LMOD3: variants seen among roughly 807,000 people sequenced by gnomAD.
LMOD3 encodes the protein leiomodin 3, also known as leiomodin-3.
LMOD3 carries 31 observed loss-of-function variants against 41.8 expected under a neutral mutation model. The observed-to-expected ratio is 0.74, with a 90% CI of 0.56 to 1.00. LMOD3 has a LOEUF of 1.00. Ranked by LOEUF, LMOD3 falls within the 50% of genes least tolerant of loss-of-function variation. LMOD3 has a pLI of 0.00. For synonymous variants in LMOD3, 292 were observed against 241.9 expected (o/e 1.21, Z -1.92); for missense variants, 755 against 679.5 (o/e 1.11, Z -1.23).
rs747620098 is a variant in LMOD3, at chr3:69,122,115, G to C, written c.272C>G (p.Pro91Arg). ...TACCTCGGATTTCACAAAGGTGACAGGAACTCGTTCCTCTTCCAGCATGCG... is the reference window on the plus strand; with the variant it reads ...TACCTCGGATTTCACAAAGGTGACACGAACTCGTTCCTCTTCCAGCATGCG... ...SRRMLEEERV[P>R]VTFVKSEEKT... is the part of the protein sequence containing the mutation. Residue 91 changes from proline to arginine, a missense_variant, in exon 1 of 3, where the codon CCT becomes CGT. Transcript: ENST00000420581. 6.2e-7 allele frequency: 1 copy of C among 1,611,986 alleles called. No homozygotes were observed. Among genetic ancestry groups the C allele is most frequent in the East Asian group, 2.2e-5 (1 of 44,776 alleles).
rs2092327748 is a variant in LMOD3 at position 69,107,453 on chromosome 3, G to GTTTTTTGTTTTTTTTTTTTTTTT, written c.*1641_*1642insAAAAAAAAAAAAAAAACAAAAAA. 2.7e-5 allele frequency: 1 copy of GTTTTTTGTTTTTTTTTTTTTTTT among 37,356 alleles called. No homozygotes were observed. The highest frequency in any genetic ancestry group is 5.6e-5 in the Non-Finnish European group (1 of 17,720). The allele number at this position is 37,356 out of a possible 1,614,324, so 2.3% of individuals were successfully genotyped here. ...AAAGAAGAGAGAAAAGGCACCAAAGGTTTTTTTTTTTTTTTTTTTTTTTTT... is the reference window on the plus strand; with the variant it reads ...AAAGAAGAGAGAAAAGGCACCAAAGGTTTTTTGTTTTTTTTTTTTTTTTTTTTTTTTTTTTTTTTTTTTTTTTT... On this transcript the variant is annotated 3_prime_UTR_variant, in exon 3 of 3. Transcript: ENST00000420581.
chr3:69,122,512 T>C lies in LMOD3; in HGVS notation c.-126A>G. 1 of 733,646 alleles carries C rather than the reference T, an allele frequency of 1.4e-6. No individual in the cohort carries two copies. Among genetic ancestry groups the C allele is most frequent in the Non-Finnish European group, 2.2e-6 (1 of 464,634 alleles). The allele number at this position is 733,646 out of a possible 1,614,324, so 45.4% of individuals were successfully genotyped here. A position where few individuals can be genotyped will look rare whatever the true frequency, so the allele number is the denominator to read the frequency against. ...GTCCCAAGTTAACACACCCTTGAGA[T>C]ATTTTTTTTTTTTTCCCAGGAACCT... is the stretch of plus-strand genomic sequence containing the variant. On this transcript the variant is annotated 5_prime_UTR_variant, in exon 1 of 3. The change creates a new upstream start codon in the 5' untranslated region. Coordinates refer to ENST00000420581, the MANE Select transcript of LMOD3 (RefSeq NM_198271.5).
rs1192710964 is a variant in LMOD3, at chr3:69,122,108, G to T, written c.279C>A (p.Thr93=). 6.2e-7 allele frequency: 1 copy of T among 1,611,530 alleles called. No homozygotes were observed. The highest frequency in any genetic ancestry group is 1.7e-5 in the Admixed American group (1 of 59,792). Residue 93 remains threonine (T), a synonymous_variant, in exon 1 of 3, where the codon ACC becomes ACA. Transcript: ENST00000420581. ...RMLEEERVPV[T]FVKSEEKTQE... is the part of the protein sequence containing the mutation. ...CTCTGGTTACCTCGGATTTCACAAA[G>T]GTGACAGGAACTCGTTCCTCTTCCA...
At chr3:69,111,878 T>C (rs2092351862) in intron 2 of LMOD3, among the ~76,000 whole-genome samples, 1 of 152,232 alleles carries the variant, frequency 6.6e-6, no homozygotes, top group Non-Finnish European at 1.5e-5. Flanking sequence ...TGATCACTGG[T>C]TAACTATTTG....
At chr3:69,116,328 C>G (rs1283385804) in intron 2 of LMOD3, among the ~76,000 whole-genome samples, 1 of 152,222 alleles carries the variant, frequency 6.6e-6, no homozygotes, top group Non-Finnish European at 1.5e-5. Context: ...GCAAACAGAT[C>G]TGTCACAGGC....
chr3:69,110,853 A>AAAAAAAAAAAAAAAAAAATATATATATAT (rs1458630453), intron 2 of LMOD3, among the ~76,000 whole-genome samples: 3 of 104,120 alleles, frequency 2.9e-5, no homozygotes, highest in African/African-American at 1.4e-4. Flanking sequence ...AAAAAAAAAA[A>AAAAAAAAAAAAAAAAAAATATATATATAT]ATATATATAT....
chr3:69,115,857 T>C (rs1349890553), intron 2 of LMOD3, among the ~76,000 whole-genome samples: 2 of 152,206 alleles, frequency 1.3e-5, no homozygotes, highest in Non-Finnish European at 2.9e-5. Context: ...TTAAAATCGA[T>C]GGTGTTTTAC....
chr3:69,122,362 C>G lies in LMOD3; in HGVS notation c.25G>C (p.Asp9His). ...TCCTCATCGAGAAGTTCTTCTTGAT[C>G]TGAATTTCTGCTGTGCTCTGACATT... MSEHSRNS[D>H]QEELLDEEIN... The change falls in exon 1 of 3, where the codon GAT becomes CAT. Residue 9 changes from aspartate (D) to histidine (H), a missense_variant. Transcript: ENST00000420581. The G allele has an allele frequency of 1.2e-6, 2 of 1,608,816 alleles. No individual in the cohort carries two copies. The highest frequency in any genetic ancestry group is 1.7e-6 in the Non-Finnish European group (2 of 1,175,968).
intron 2 of LMOD3, among the ~76,000 whole-genome samples, chr3:69,110,853 A>ATAT (rs1553686981): frequency 3.8e-4 from 40 of 104,104 alleles, no homozygotes; most frequent in East Asian, 1.7e-3. Context: ...AAAAAAAAAA[A>ATAT]ATATATATAT....
chr3:69,110,794 G>T (rs2092345628), intron 2 of LMOD3, among the ~76,000 whole-genome samples: 1 of 135,530 alleles, frequency 7.4e-6, no homozygotes, highest in Non-Finnish European at 1.5e-5. Context: ...CTTGAGCTGG[G>T]ATCCCACCAC....
chr3:69,110,447 C>T (rs112447920), intron 2 of LMOD3, among the ~76,000 whole-genome samples: 2,950 of 149,182 alleles, frequency 0.02, 50 homozygotes, highest in East Asian at 0.038. Context: ...CCAGGCTTGT[C>T]GTGAACTCCT....
At chr3:69,110,904 A>G (rs1447760153) in intron 2 of LMOD3, among the ~76,000 whole-genome samples, 1 of 147,802 alleles carries the variant, frequency 6.8e-6, no homozygotes, top group East Asian at 2.1e-4. Flanking sequence ...GACAAAAAAA[A>G]ATTATAAAAC....
intron 2 of LMOD3, among the ~76,000 whole-genome samples, chr3:69,113,274 A>G (rs1433142994): frequency 6.6e-6 from 1 of 152,216 alleles, no homozygotes; most frequent in Non-Finnish European, 1.5e-5. Flanking sequence ...GACAGATTGA[A>G]CGTGCTAAGA....
intron 2 of LMOD3, among the ~76,000 whole-genome samples, chr3:69,117,054 C>T (rs142944386): frequency 2.8e-3 from 428 of 152,340 alleles, no homozygotes; most frequent in African/African-American, 9.1e-3. Context: ...TAGTTTCTCT[C>T]AAACAATACC....
chr3:69,122,300 A>G lies in LMOD3; in HGVS notation c.87T>C (p.Ala29=). The G allele has an allele frequency of 6.2e-7, 1 of 1,613,402 alleles. No homozygotes were observed. The highest frequency in any genetic ancestry group is 8.5e-7 in the Non-Finnish European group (1 of 1,179,618). ...CCGACTGCAGTTCTTTCAGTTCTTC[A>G]GCAGACAAGTTGGCCAAGATTTCAT... The part of the protein sequence containing the change: ...NEDEILANLS[A]EELKELQSEM... Residue 29 remains alanine (A), a synonymous_variant, in exon 1 of 3, where the codon GCT becomes GCC. Transcript: ENST00000420581.
Position 69,108,361 on chromosome 3 carries a change from C to G in LMOD3, c.*734G>C, listed in dbSNP as rs1282038871. The G allele has an allele frequency of 1.3e-5, 2 of 152,086 alleles. No individual in the cohort carries two copies. Among genetic ancestry groups the G allele is most frequent in the Non-Finnish European group, 2.9e-5 (2 of 68,016 alleles). The allele number at this position is 152,086 out of a possible 1,614,324, so 9.4% of individuals were successfully genotyped here. A position where few individuals can be genotyped will look rare whatever the true frequency, so the allele number is the denominator to read the frequency against. ...TTGTCCCTCTATATATGAAAACTTGCTGCCAGGAAGTTTTCATATATGCAG... is the reference window on the plus strand; with the variant it reads ...TTGTCCCTCTATATATGAAAACTTGGTGCCAGGAAGTTTTCATATATGCAG... On this transcript the variant is annotated 3_prime_UTR_variant, in exon 3 of 3. Transcript: ENST00000420581.
At chr3:69,109,992 G>A (rs2092340603) in intron 2 of LMOD3, among the ~76,000 whole-genome samples, 1 of 152,094 alleles carries the variant, frequency 6.6e-6, no homozygotes, top group South Asian at 2.1e-4. Context: ...TACACTGCCT[G>A]TAAAAATATC....
intron 2 of LMOD3, among the ~76,000 whole-genome samples, chr3:69,113,186 G>T (rs535290839): frequency 6.6e-6 from 1 of 152,140 alleles, no homozygotes; most frequent in Non-Finnish European, 1.5e-5. Context: ...ACCTGAATGC[G>T]TGACAGAATG....
In LMOD3 at chr3:69,109,113, C is replaced by T. The variant is rs759275523; in HGVS notation, c.1665G>A (p.Leu555=). 1 of 1,602,444 alleles carries T rather than the reference C, an allele frequency of 6.2e-7. No homozygotes were observed. Residue 555 remains leucine, a synonymous_variant, in exon 3 of 3, where the codon CTG becomes CTA. Coordinates refer to ENST00000420581, the MANE Select transcript of LMOD3 (RefSeq NM_198271.5). ...TTGCCTCTTACGCCAGTTCTTTTGG[C>T]AGTTGCACCTGCGATTTAAGCATTT... ...SSVAYLKPVQ[L]PKELA
Sources: gnomAD v4.1 joint callset for allele counts (sites outside exome capture counted in the v4.1 genomes callset) on GRCh38, gnomAD v4.1.1 for gene constraint, MANE v1.5 for transcripts, NCBI Gene and HGNC (gene_info 2026-07-23, HGNC 2026-07-21) for gene names.